RAD52: variants seen among roughly 807,000 people sequenced by gnomAD.
The protein encoded by RAD52 is RAD52 DNA repair protein, also known as DNA repair protein RAD52 homolog.
A neutral mutation model predicts 55.5 loss-of-function variants in RAD52; 47 were observed. The observed-to-expected ratio is 0.85, with a 90% confidence interval of 0.67 to 1.08. The LOEUF (loss-of-function observed/expected upper bound fraction) is 1.08, where lower values mean the gene tolerates loss of function less well. Ranked by LOEUF, RAD52 falls within the 50% of genes least tolerant of loss-of-function variation. RAD52 has a pLI of 0.00. For missense variants in RAD52, 468 were observed against 522.8 expected (o/e 0.90, Z 1.02); for synonymous variants, 184 against 198.9 (o/e 0.92, Z 0.63).
In RAD52 at chr12:930,160, T is replaced by C; in HGVS notation, c.187-16A>G. ...TGTAGCACACCTAGAAAAACAAATG[T>C]TTTTAAGGAAAAGCTGTGTTAATTC... On this transcript the variant is annotated splice_polypyrimidine_tract_variant and intron_variant, in intron 3 of 11. Coordinates refer to ENST00000358495, the MANE Select transcript of RAD52 (RefSeq NM_134424.4). 6.3e-7 allele frequency: 1 copy of C among 1,579,560 alleles called. No individual in the cohort carries two copies. Among genetic ancestry groups the C allele is most frequent in the Non-Finnish European group, 8.7e-7 (1 of 1,153,684 alleles).
chr12:952,870 C>T (rs577268087), upstream of RAD52, among the ~76,000 whole-genome samples: 8 of 120,888 alleles, frequency 6.6e-5, no homozygotes, highest in Admixed American at 5.7e-4. Context: ...TGAGCCTGGG[C>T]GACAAGAACA....
intron 1 of RAD52, among the ~76,000 whole-genome samples, chr12:982,885 C>T (rs542332748): frequency 2.0e-5 from 3 of 151,662 alleles, no homozygotes; most frequent in Admixed American, 6.6e-5. Flanking sequence ...AGTCTCACTC[C>T]GTCAAGCAGG....
Position 945,464 on chromosome 12 carries a change from C to T in RAD52, c.-19+4138G>A, listed in dbSNP as rs536715225. 7.3e-5 allele frequency among the ~76,000 whole-genome samples: 11 copies of T among 150,918 alleles called. No homozygotes were observed. In the South Asian group the frequency reaches 1.5e-3, roughly 20 times the overall value. Reference sequence around the variant, plus strand: ...TGTCTTTTTTTTTTTGAGGGGGAGACACTCTGTTGCCCAGGCTGGAGTACA... The same window carrying T: ...TGTCTTTTTTTTTTTGAGGGGGAGATACTCTGTTGCCCAGGCTGGAGTACA... On this transcript the variant is annotated intron_variant, in intron 1 of 11. Transcript: ENST00000358495.
chr12:972,833 C>T (rs1202673720), intron 1 of RAD52, among the ~76,000 whole-genome samples: 1 of 144,332 alleles, frequency 6.9e-6, no homozygotes, highest in Non-Finnish European at 1.5e-5. Flanking sequence ...GTTGGGGGAA[C>T]AGTAGGGAAA....
At chr12:916,524 C>G (rs754237731) in intron 8 of RAD52, 41 bp from the exon 9 acceptor site, 4 of 1,605,668 alleles carry the variant, frequency 2.5e-6, no homozygotes, top group Non-Finnish European at 3.4e-6. Context: ...TCCTGAGCAA[C>G]AGCCGCGGCT....
intron 5 of RAD52, among the ~76,000 whole-genome samples, chr12:927,561 T>TA (rs1016017522): frequency 5.9e-5 from 9 of 151,416 alleles, no homozygotes; most frequent in African/African-American, 1.9e-4. Flanking sequence ...CACCCTAAGG[T>TA]AAAAAAAACC....
chr12:988,135 G>T (rs555137885), intron 1 of RAD52, among the ~76,000 whole-genome samples: 3 of 152,140 alleles, frequency 2.0e-5, no homozygotes, highest in East Asian at 3.9e-4. Context: ...ACCATACCTG[G>T]CTAAGTTTTA....
intron 2 of RAD52, among the ~76,000 whole-genome samples, chr12:931,808 G>C (rs1957340751): frequency 6.6e-6 from 1 of 152,186 alleles, no homozygotes; most frequent in African/African-American, 2.4e-5. Context: ...GGGGTAGGAA[G>C]CCTTGCTTCC....
intron 1 of RAD52, among the ~76,000 whole-genome samples, chr12:957,414 C>G (rs1453291832): frequency 8.1e-6 from 1 of 124,176 alleles, no homozygotes; most frequent in Non-Finnish European, 1.6e-5. Flanking sequence ...TGCAGTGACC[C>G]AAGATCATGC....
chr12:933,897 G>T (rs564306093), intron 1 of RAD52, among the ~76,000 whole-genome samples: 1 of 151,934 alleles, frequency 6.6e-6, no homozygotes, highest in African/African-American at 2.4e-5. Flanking sequence ...CAAGGCAGAA[G>T]GACTGCTTGA....
At chr12:913,684 C>G (rs953589183) in intron 11 of RAD52, among the ~76,000 whole-genome samples, 3 of 152,116 alleles carry the variant, frequency 2.0e-5, no homozygotes, top group African/African-American at 7.2e-5. Flanking sequence ...CTGCTATTAT[C>G]AGGAGCTGAA....
At chr12:921,164 TA>T (rs916494544) in intron 7 of RAD52, among the ~76,000 whole-genome samples, 17 of 142,542 alleles carry the variant, frequency 1.2e-4, no homozygotes, top group Non-Finnish European at 1.1e-4. Flanking sequence ...CACACATAGT[TA>T]AAAAAAAAAG....
At chr12:977,458 C>T (rs1958949379) in intron 1 of RAD52, among the ~76,000 whole-genome samples, 2 of 152,218 alleles carry the variant, frequency 1.3e-5, no homozygotes, top group Admixed American at 6.5e-5. Context: ...GGTCAAACTC[C>T]ACCATTTCAA....
At chr12:942,004 A>G (rs1957946629) in intron 1 of RAD52, among the ~76,000 whole-genome samples, 1 of 152,188 alleles carries the variant, frequency 6.6e-6, no homozygotes, top group South Asian at 2.1e-4. Flanking sequence ...TGAAGACTCA[A>G]TACTGTTTAG....
At chr12:956,131 T>C (rs1430284915) in intron 1 of RAD52, among the ~76,000 whole-genome samples, 1 of 152,186 alleles carries the variant, frequency 6.6e-6, no homozygotes, top group African/African-American at 2.4e-5. Flanking sequence ...CTCTGGCCAA[T>C]AGAATGCAAG....
chr12:970,733 T>C lies in RAD52; in HGVS notation c.-19+19076A>G, dbSNP rs11835993. Reference sequence around the variant, plus strand: ...GTTCAGAATGGCATTTGGGAGTAAGTAGGCGGTCCATGAGACAAGGAGGTA... The same window carrying C: ...GTTCAGAATGGCATTTGGGAGTAAGCAGGCGGTCCATGAGACAAGGAGGTA... On this transcript the variant is annotated intron_variant, in intron 1 of 11. Transcript: ENST00000430095. 6.1e-3 allele frequency among the ~76,000 whole-genome samples: 931 copies of C among 152,268 alleles called. 12 individuals carry two copies. The highest frequency in any genetic ancestry group is 0.02 in the African/African-American group (834 of 41,536).
At chr12:947,003 T>C (rs534732471) in intron 1 of RAD52, among the ~76,000 whole-genome samples, 1 of 152,324 alleles carries the variant, frequency 6.6e-6, no homozygotes, top group Admixed American at 6.5e-5. Context: ...AACGGCCTGG[T>C]AAGTGGTGAA....
At chr12:937,938 C>A (rs1957723812) in intron 1 of RAD52, among the ~76,000 whole-genome samples, 1 of 152,120 alleles carries the variant, frequency 6.6e-6, no homozygotes, top group Non-Finnish European at 1.5e-5. Context: ...ATTTCTGACC[C>A]CTCTGTGGAA....
At chr12:971,400 C>T (rs1331109010) in intron 1 of RAD52, among the ~76,000 whole-genome samples, 4 of 151,726 alleles carry the variant, frequency 2.6e-5, no homozygotes, top group African/African-American at 9.7e-5. Flanking sequence ...GACTTAGAAT[C>T]GTGAACTGGG....
Sources: gnomAD v4.1 joint callset for allele counts (sites outside exome capture counted in the v4.1 genomes callset) on GRCh38, gnomAD v4.1.1 for gene constraint, MANE v1.5 for transcripts, NCBI Gene and HGNC (gene_info 2026-07-23, HGNC 2026-07-21) for gene names.